The following TDRD5 variants were observed in gnomAD, a reference collection of about 807,000 sequenced individuals.
The protein encoded by TDRD5 is tudor domain containing 5.
Under a neutral mutation model 120.6 loss-of-function variants are expected in TDRD5, and 41 were observed. That is an observed-to-expected ratio of 0.34 (90% confidence interval 0.26 to 0.44). TDRD5 has a LOEUF of 0.44. Ranked by LOEUF, TDRD5 falls within the 20% of genes least tolerant of loss-of-function variation. TDRD5 has a pLI of 1.00. For missense variants in TDRD5, 1,006 were observed against 1,221.2 expected, an observed-to-expected ratio of 0.82 and a Z score of 2.63; for synonymous variants, 430 against 433.7, an observed-to-expected ratio of 0.99 and a Z score of 0.11.
intron 17 of TDRD5, among the ~76,000 whole-genome samples, chr1:179,678,821 G>A (rs1183560742): frequency 6.6e-6 from 1 of 151,890 alleles, no homozygotes; most frequent in Non-Finnish European, 1.5e-5. Context: ...CATATGTGGG[G>A]GAAAAAAATC....
intron 14 of TDRD5, among the ~76,000 whole-genome samples, chr1:179,657,273 GTTTTC>G (rs1166456786): frequency 6.6e-6 from 1 of 151,870 alleles, no homozygotes; most frequent in African/African-American, 2.4e-5. Context: ...ATTTATTTAG[GTTTTC>G]TTTTATTTCT....
At chr1:179,641,038 G>A (rs1298011711) in intron 11 of TDRD5, among the ~76,000 whole-genome samples, 1 of 152,112 alleles carries the variant, frequency 6.6e-6, no homozygotes, top group Non-Finnish European at 1.5e-5. Flanking sequence ...GAGGTGGAAT[G>A]GAGCAGGAGG....
At chr1:179,687,705 T>C (rs1381334550) in intron 17 of TDRD5, among the ~76,000 whole-genome samples, 1 of 152,156 alleles carries the variant, frequency 6.6e-6, no homozygotes, top group Admixed American at 6.5e-5. Flanking sequence ...TCTAAGGACT[T>C]GCTTTATGAA....
At position 179,645,238 on chromosome 1, in the gene TDRD5, A is replaced by G. The variant is rs372533387; in HGVS notation, c.1800+4793A>G. On this transcript the variant is annotated intron_variant, in intron 11 of 17. Coordinates refer to ENST00000444136, the MANE Select transcript of TDRD5 (RefSeq NM_001199085.3). ...GTAGCTGGGACTACAGGCGCCCGCC[A>G]CTACGCCCGGCTAATTTTTTGTATT... is the stretch of plus-strand genomic sequence containing the variant. Among the ~76,000 whole-genome samples the G allele has an allele frequency of 7.8e-4, 117 of 150,206 alleles. 1 individual carries two copies. In the East Asian group the frequency reaches 0.019, roughly 25 times the overall value.
intron 4 of TDRD5, among the ~76,000 whole-genome samples, chr1:179,611,390 T>C (rs139173736): frequency 1.6e-4 from 24 of 152,184 alleles, no homozygotes; most frequent in African/African-American, 4.8e-4. Flanking sequence ...ACTCTAAGTG[T>C]TCATGGTTCA....
chr1:179,645,865 C>T (rs1168095428), intron 11 of TDRD5, among the ~76,000 whole-genome samples: 1 of 151,928 alleles, frequency 6.6e-6, no homozygotes, highest in Admixed American at 6.6e-5. Flanking sequence ...AAAAAAACTT[C>T]TTTTGTCTGA....
intron 16 of TDRD5, among the ~76,000 whole-genome samples, chr1:179,663,700 G>T (rs16854468): frequency 0.029 from 4,473 of 152,162 alleles, 223 homozygotes; most frequent in African/African-American, 0.1. Context: ...TGTGGTTAAT[G>T]ACCTCTCTCA....
rs574696848 is a variant in TDRD5 at position 179,607,809 on chromosome 1, A to G, written c.832-10790A>G. Among the ~76,000 whole-genome samples, 371 of 152,036 alleles carry G rather than the reference A, an allele frequency of 2.4e-3. 1 individual carries two copies. Among genetic ancestry groups the G allele is most frequent in the African/African-American group, 8.4e-3 (348 of 41,532 alleles). On this transcript the variant is annotated intron_variant, in intron 4 of 17. Coordinates refer to ENST00000444136, the MANE Select transcript of TDRD5 (RefSeq NM_001199085.3). ...ATAGAAATATTTATTTTAATACTAA[A>G]ATATTAAAAACATAAAAGTCAAATT...
intron 17 of TDRD5, among the ~76,000 whole-genome samples, chr1:179,685,571 C>A (rs1213557176): frequency 6.6e-6 from 1 of 152,188 alleles, no homozygotes; most frequent in East Asian, 1.9e-4. Context: ...TTTTCCAATT[C>A]TGTGAAGAAG....
At chr1:179,642,974 A>G (rs193092861) in intron 11 of TDRD5, among the ~76,000 whole-genome samples, 1 of 152,348 alleles carries the variant, frequency 6.6e-6, no homozygotes, top group East Asian at 1.9e-4. Context: ...TTGTTTGGAA[A>G]TGGCAGAACA....
chr1:179,611,458 G>A (rs1394291985), intron 4 of TDRD5, among the ~76,000 whole-genome samples: 1 of 152,100 alleles, frequency 6.6e-6, no homozygotes, highest in African/African-American at 2.4e-5. Context: ...AAACTTGGTT[G>A]TTTCAATAGT....
intron 17 of TDRD5, among the ~76,000 whole-genome samples, chr1:179,679,436 G>A (rs941481441): frequency 6.6e-6 from 1 of 152,044 alleles, no homozygotes; most frequent in African/African-American, 2.4e-5. Context: ...AAGAATTTGT[G>A]TGGAATTGAT....
chr1:179,609,263 T>C (rs1247853602), intron 4 of TDRD5, among the ~76,000 whole-genome samples: 1 of 152,174 alleles, frequency 6.6e-6, no homozygotes, highest in Non-Finnish European at 1.5e-5. Flanking sequence ...TAATGAGATA[T>C]CTTGGAGATG....
At chr1:179,687,165 C>T (rs1322917221) in intron 17 of TDRD5, among the ~76,000 whole-genome samples, 1 of 152,166 alleles carries the variant, frequency 6.6e-6, no homozygotes, top group Non-Finnish European at 1.5e-5. Flanking sequence ...TTCCTGGTTT[C>T]TCTTGTGGGC....
intron 6 of TDRD5, among the ~76,000 whole-genome samples, chr1:179,624,592 A>G (rs1252012821): frequency 6.6e-6 from 1 of 152,254 alleles, no homozygotes; most frequent in Non-Finnish European, 1.5e-5. Context: ...ACGGAAATCA[A>G]TGTATTTTCA....
intron 17 of TDRD5, among the ~76,000 whole-genome samples, chr1:179,683,268 A>T (rs574592704): frequency 6.6e-6 from 1 of 152,164 alleles, no homozygotes; most frequent in African/African-American, 2.4e-5. Context: ...CTGTTGTTTC[A>T]TACATTTTGT....
rs1219594326 is a variant in TDRD5, at chr1:179,691,255, T to C, written c.*312T>C. Reference sequence around the variant, plus strand: ...CTTGTACATTATCATGACTGATAAATGAAAATTGAAAAACTAATGTTTGTG... The same window carrying C: ...CTTGTACATTATCATGACTGATAAACGAAAATTGAAAAACTAATGTTTGTG... On this transcript the variant is annotated 3_prime_UTR_variant, in exon 18 of 18. Transcript: ENST00000444136. 1 of 219,624 alleles carries C rather than the reference T, an allele frequency of 4.6e-6. No individual in the cohort carries two copies. Among genetic ancestry groups the C allele is most frequent in the Non-Finnish European group, 9.2e-6 (1 of 108,830 alleles). 13.6% of individuals were successfully genotyped at this position (219,624 alleles called of 1,614,324 possible).
At chr1:179,684,929 A>T (rs1379034278) in intron 17 of TDRD5, among the ~76,000 whole-genome samples, 1 of 152,162 alleles carries the variant, frequency 6.6e-6, no homozygotes, top group Non-Finnish European at 1.5e-5. Flanking sequence ...AGTTCTTTGT[A>T]GACTCTGGAT....
intron 4 of TDRD5, among the ~76,000 whole-genome samples, chr1:179,608,663 A>G (rs1312641719): frequency 6.6e-6 from 1 of 151,820 alleles, no homozygotes; most frequent in Non-Finnish European, 1.5e-5. Flanking sequence ...CTTTATGGAC[A>G]TAAGCATATG....
Sources: allele counts gnomAD v4.1 joint callset (sites outside exome capture counted in the v4.1 genomes callset), GRCh38; gene constraint gnomAD v4.1.1; transcripts MANE v1.5; gene names NCBI Gene and HGNC (gene_info 2026-07-23, HGNC 2026-07-21).